Variants in COCH observed in about 807,000 individuals in gnomAD.
The protein encoded by COCH is coagulation factor C homolog, cochlin (Limulus polyphemus).
In COCH, 40 loss-of-function variants were observed where a neutral mutation model predicts 54.8. The observed-to-expected ratio is 0.73, with a 90% CI of 0.57 to 0.95. COCH has a LOEUF of 0.95. Ranked by LOEUF, COCH falls within the 40% of genes least tolerant of loss-of-function variation. COCH has a pLI of 0.00. For synonymous variants in COCH, 256 were observed against 237.9 expected (o/e 1.08, Z -0.70); for missense variants, 605 against 675.0 (o/e 0.90, Z 1.15).
downstream of COCH, among the ~76,000 whole-genome samples, chr14:30,891,514 A>C (rs1220727465): frequency 2.0e-5 from 3 of 152,236 alleles, no homozygotes; most frequent in African/African-American, 7.2e-5. Flanking sequence ...TTTGAATTTG[A>C]AAATAGAGTT....
intron 6 of COCH, among the ~76,000 whole-genome samples, chr14:30,879,829 TTTTTTA>T (rs1277260470): frequency 3.3e-5 from 5 of 151,614 alleles, no homozygotes; most frequent in African/African-American, 9.7e-5. Flanking sequence ...ATTTTTAATT[TTTTTTA>T]TTTTTATTTT....
chr14:30,885,932 T>C lies in COCH; in HGVS notation c.1097T>C (p.Val366Ala), dbSNP rs1354273509. 3.7e-6 allele frequency: 6 copies of C among 1,614,088 alleles called. No homozygotes were observed. Among genetic ancestry groups the C allele is most frequent in the Non-Finnish European group, 5.1e-6 (6 of 1,180,038 alleles). The change falls in exon 11 of 12, where the codon GTG becomes GCG. Residue 366 changes from valine to alanine, a missense_variant. By Grantham distance (64) the Val-to-Ala change is moderately conservative. Coordinates refer to ENST00000396618, the MANE Select transcript of COCH (RefSeq NM_004086.3). Reference protein sequence around the residue: ...MMCSKTCYNSVNIAFLIDGSS... With the variant: ...MMCSKTCYNSANIAFLIDGSS... ...TGCAGCAAGACCTGTTATAACTCAG[T>C]GAACATTGCCTTTCTAATTGATGGC...
rs1239107360 is a variant in COCH at position 30,885,532 on chromosome 14, A to G, written c.872A>G (p.Glu291Gly). The change falls in exon 10 of 12, where the codon GAG (glutamate) becomes GGG (glycine). Residue 291 changes from glutamate (E) to glycine (G), a missense_variant. Transcript: ENST00000396618. ...GAGGAAGCAGGCATTGTGGCCAGAG[A>G]GTTTGGTGTCAATGTATTTATAGTT... ...DIEEAGIVAR[E>G]FGVNVFIVSV... 8 of 1,613,338 alleles carry G rather than the reference A, an allele frequency of 5.0e-6. No homozygotes were observed. In the African/African-American group the frequency reaches 5.3e-5, roughly 11 times the overall value.
chr14:30,888,577 T>A (rs1895871073), intron 11 of COCH, among the ~76,000 whole-genome samples: 1 of 151,706 alleles, frequency 6.6e-6, no homozygotes, highest in Non-Finnish European at 1.5e-5. Context: ...AGCCCTGGAG[T>A]TCGAGATGAG....
Position 30,875,042 on chromosome 14 carries a change from TTC to T in COCH, c.35-8_35-7del, listed in dbSNP as rs749120118. ...TGGAGGCTGGAGCCAGCCCTCACGC[TTC>T]TCTCTTCGCAGGTGTGTGTCTGCTG... is the stretch of plus-strand genomic sequence containing the variant. On this transcript the variant is annotated splice_polypyrimidine_tract_variant and intron_variant, in intron 2 of 11. Transcript: ENST00000396618. 1.4e-5 allele frequency: 23 copies of T among 1,612,054 alleles called. No homozygotes were observed. The East Asian group carries it at 4.9e-4, about 34-fold the overall frequency.
rs1174754857 is a variant in COCH at position 30,880,683 on chromosome 14, T to A, written c.578T>A (p.Leu193Gln). The A allele has an allele frequency of 1.2e-6, 2 of 1,614,028 alleles. No homozygotes were observed. The highest frequency in any genetic ancestry group is 3.3e-5 in the Admixed American group (2 of 60,022). The change falls in exon 8 of 12, where the codon CTA becomes CAA. Residue 193 changes from leucine to glutamine, a missense_variant. Physicochemically the swap from Leu to Gln is moderately radical, Grantham distance 113 (BLOSUM62 -2). Transcript: ENST00000396618. The part of the protein sequence containing the change: ...LQKNFVGKVA[L>Q]MLGIGTEGPH... ...AAGAATTTTGTTGGAAAAGTGGCTC[T>A]AATGTTGGGAATTGGAACAGAAGGA...
downstream of COCH, among the ~76,000 whole-genome samples, chr14:30,891,567 CTG>C (rs1453357036): frequency 2.0e-5 from 3 of 152,220 alleles, no homozygotes; most frequent in Non-Finnish European, 4.4e-5. Context: ...TCAAACATGA[CTG>C]AATCATGTAA....
Position 30,880,587 on chromosome 14 carries a change from A to T in COCH, c.482A>T (p.Asp161Val). Reference protein sequence around the residue: ...KTPEKKTGNKDCKADIAFLID... With the variant: ...KTPEKKTGNKVCKADIAFLID... ...AGGGGACTGGTTTGGTTGTTCGCAG[A>T]TTGTAAAGCAGACATTGCATTTCTG... Residue 161 changes from aspartate (D) to valine (V), a missense_variant and splice_region_variant, in exon 8 of 12, where the codon GAT becomes GTT. Coordinates refer to ENST00000396618, the MANE Select transcript of COCH (RefSeq NM_004086.3). 1.2e-6 allele frequency: 2 copies of T among 1,614,152 alleles called. No individual in the cohort carries two copies. The highest frequency in any genetic ancestry group is 1.7e-6 in the Non-Finnish European group (2 of 1,180,040).
rs558650487 is a variant in COCH, at chr14:30,887,208, A to T, written c.1477+896A>T. ...CAGGAGTTCAAGACCAGCCGGGCCAACATGGTAAAACCCAGTCTCTATTAA... is the reference window on the plus strand; with the variant it reads ...CAGGAGTTCAAGACCAGCCGGGCCATCATGGTAAAACCCAGTCTCTATTAA... On this transcript the variant is annotated intron_variant, in intron 11 of 11. Transcript: ENST00000396618. 6.6e-5 allele frequency among the ~76,000 whole-genome samples: 10 copies of T among 152,150 alleles called. No homozygotes were observed. The South Asian group carries it at 2.1e-3, about 32-fold the overall frequency.
chr14:30,878,994 C>T (rs778615618), intron 5 of COCH, 50 bp downstream of exon 5: 40 of 1,608,292 alleles, frequency 2.5e-5, no homozygotes, highest in Admixed American at 1.5e-4. Flanking sequence ...ACCCCCCAAA[C>T]GTTTTCTGCT....
Position 30,890,311 on chromosome 14 carries a change from G to C in COCH, c.*520G>C. 1.0e-6 allele frequency: 1 copy of C among 985,526 alleles called. No individual in the cohort carries two copies. The highest frequency in any genetic ancestry group is 1.2e-6 in the Non-Finnish European group (1 of 830,072). 61.0% of individuals were successfully genotyped at this position (985,526 alleles called of 1,614,324 possible). On this transcript the variant is annotated 3_prime_UTR_variant, in exon 12 of 12. Coordinates refer to ENST00000396618, the MANE Select transcript of COCH (RefSeq NM_004086.3). Reference sequence around the variant, plus strand: ...GCTATTACTGCAGACTATAAAATCTGGATATAGAAAGGAGACCTGTATCAA... The same window carrying C: ...GCTATTACTGCAGACTATAAAATCTCGATATAGAAAGGAGACCTGTATCAA...
Position 30,880,506 on chromosome 14 carries a change from A to C in COCH, c.481+10A>C, listed in dbSNP as rs1895534809. The C allele has an allele frequency of 1.2e-6, 2 of 1,614,152 alleles. No individual in the cohort carries two copies. Among genetic ancestry groups the C allele is most frequent in the Non-Finnish European group, 1.7e-6 (2 of 1,180,026 alleles). ...AAAACTGGCAATAAAGGTAAGAATC[A>C]AGATCTCCATTTGGGAAGGTAGCAT... On this transcript the variant is annotated intron_variant, in intron 7 of 11. Transcript: ENST00000396618.
At chr14:30,884,374 C>T (rs1459523593) in intron 8 of COCH, 179 bp from the exon 9 acceptor site, 17 of 596,846 alleles carry the variant, frequency 2.8e-5, no homozygotes, top group Non-Finnish European at 1.8e-5. Flanking sequence ...ATTTGTTACA[C>T]CTCTGAAATA....
At chr14:30,882,562 AAT>A (rs1471743544) in intron 8 of COCH, among the ~76,000 whole-genome samples, 2 of 152,168 alleles carry the variant, frequency 1.3e-5, no homozygotes, top group Non-Finnish European at 2.9e-5. Flanking sequence ...ATTCATCAAA[AAT>A]ATTTCATAAT....
chr14:30,891,244 T>C (rs561111815), downstream of COCH, among the ~76,000 whole-genome samples: 2 of 152,286 alleles, frequency 1.3e-5, no homozygotes, highest in Admixed American at 6.5e-5. Context: ...ACTCCCTTAA[T>C]GTGACTTAGA....
Position 30,874,585 on chromosome 14 carries a change from CGAGCA to C in COCH, c.-28_-24del. The C allele has an allele frequency of 1.1e-5, 5 of 464,664 alleles. No homozygotes were observed. In the East Asian group the frequency reaches 1.7e-4, roughly 16 times the overall value. The allele number at this position is 464,664 out of a possible 1,614,324, so 28.8% of individuals were successfully genotyped here. On this transcript the variant is annotated splice_region_variant and 5_prime_UTR_variant, in exon 1 of 12. Transcript: ENST00000396618. Reference sequence around the variant, plus strand: ...CACTCGGGCGCAGCCGGGTGGATCTCGAGCAGGTGCGGAGCCCCGGGCGGCGGGCG... The same window carrying C: ...CACTCGGGCGCAGCCGGGTGGATCTCGGTGCGGAGCCCCGGGCGGCGGGCG...
chr14:30,874,656 T>C (rs892121368), intron 1 of COCH, 65 bp downstream of exon 1: 4 of 574,560 alleles, frequency 7.0e-6, no homozygotes, highest in Non-Finnish European at 9.3e-6. Flanking sequence ...CCTGTTTCTT[T>C]GTCGCTCCCA....
chr14:30,874,702 C>T (rs900099453), intron 1 of COCH, 111 bp downstream of exon 1: 4 of 600,730 alleles, frequency 6.7e-6, no homozygotes, highest in African/African-American at 3.7e-5. Flanking sequence ...CCCGCCTCCC[C>T]GCGGTGCGGG....
At chr14:30,876,942 G>GC (rs1857552993) in intron 3 of COCH, among the ~76,000 whole-genome samples, 1 of 151,886 alleles carries the variant, frequency 6.6e-6, no homozygotes, top group Non-Finnish European at 1.5e-5. Flanking sequence ...GAGAGTACAG[G>GC]CATGCACCAC....
Sources: allele counts gnomAD v4.1 joint callset (sites outside exome capture counted in the v4.1 genomes callset), GRCh38; gene constraint gnomAD v4.1.1; transcripts MANE v1.5; gene names NCBI Gene and HGNC (gene_info 2026-07-23, HGNC 2026-07-21).